SLC4A10: variants seen among roughly 807,000 people sequenced by gnomAD.
SLC4A10 encodes sodium-driven chloride bicarbonate exchanger.
In SLC4A10, 42 loss-of-function variants were observed where a neutral mutation model predicts 137.7. The observed-to-expected ratio is 0.30, with a 90% CI of 0.24 to 0.39. The LOEUF (loss-of-function observed/expected upper bound fraction) is 0.39, where lower values mean the gene tolerates loss of function less well. SLC4A10 is among the 10% of genes least tolerant of loss of function. The probability of loss-of-function intolerance (pLI) is 1.00; values close to 1 mark genes in which losing one functional copy is unlikely to be tolerated. For synonymous variants in SLC4A10, 474 were observed against 464.1 expected (o/e 1.02, Z -0.27); for missense variants, 925 against 1,355.0 (o/e 0.68, Z 4.98).
chr2:161,745,427 T>G (rs1188833628), intron 1 of SLC4A10, among the ~76,000 whole-genome samples: 5 of 152,196 alleles, frequency 3.3e-5, no homozygotes, highest in Non-Finnish European at 7.3e-5. Flanking sequence ...ATTTCAATCT[T>G]TTTGTTAAAT....
chr2:161,745,702 T>A (rs2048321630), intron 1 of SLC4A10, among the ~76,000 whole-genome samples: 1 of 152,160 alleles, frequency 6.6e-6, no homozygotes, highest in South Asian at 2.1e-4. Context: ...GTTCCCTTTC[T>A]TTTTGAGAAG....
At chr2:161,767,139 A>ATATATATATGTG (rs1362865580) in intron 1 of SLC4A10, among the ~76,000 whole-genome samples, 9 of 57,124 alleles carry the variant, frequency 1.6e-4, no homozygotes, top group East Asian at 8.3e-4. Context: ...ATATATATAT[A>ATATATATATGTG]TGTGTGTGTG....
chr2:161,861,492 C>T (rs1013904120), intron 5 of SLC4A10, among the ~76,000 whole-genome samples: 10 of 96,380 alleles, frequency 1.0e-4, no homozygotes, highest in Non-Finnish European at 1.9e-4. Context: ...TAACTTTGAT[C>T]TTTCTATTAT....
chr2:161,933,801 A>C lies in SLC4A10; in HGVS notation c.1998-8991A>C, dbSNP rs559235046. 1.1e-4 allele frequency among the ~76,000 whole-genome samples: 16 copies of C among 152,288 alleles called. No homozygotes were observed. In the South Asian group the frequency reaches 3.3e-3, roughly 32 times the overall value. Reference sequence around the variant, plus strand: ...CTACAGTGAACATGGGAATGCAGATATCTCTTCCATTTACTGATTTAATTA... The same window carrying C: ...CTACAGTGAACATGGGAATGCAGATCTCTCTTCCATTTACTGATTTAATTA... On this transcript the variant is annotated intron_variant, in intron 15 of 26. Coordinates refer to ENST00000446997, the MANE Select transcript of SLC4A10 (RefSeq NM_001178015.2).
intron 1 of SLC4A10, among the ~76,000 whole-genome samples, chr2:161,652,854 C>CTTT (rs1398028632): frequency 3.0e-5 from 1 of 33,322 alleles, no homozygotes; most frequent in African/African-American, 5.6e-5. Flanking sequence ...AATATACATT[C>CTTT]TTTTCTTTTA....
chr2:161,771,172 T>C (rs1184870795), intron 2 of SLC4A10, 118 bp downstream of exon 2: 2 of 703,756 alleles, frequency 2.8e-6, no homozygotes, highest in African/African-American at 1.8e-5. Context: ...AATGGTAGCT[T>C]ACTGGGGAGG....
chr2:161,737,321 C>G (rs2047445393), intron 1 of SLC4A10, among the ~76,000 whole-genome samples: 1 of 152,006 alleles, frequency 6.6e-6, no homozygotes, highest in Admixed American at 6.6e-5. Flanking sequence ...TGGAACCCAT[C>G]AGGGAATAGG....
At chr2:161,896,178 C>T (rs1488428755) in intron 11 of SLC4A10, among the ~76,000 whole-genome samples, 1 of 151,994 alleles carries the variant, frequency 6.6e-6, no homozygotes, top group Non-Finnish European at 1.5e-5. Context: ...GGAATCCTTT[C>T]CCCATTGCTT....
chr2:161,878,293 A>G (rs909737013), intron 8 of SLC4A10, among the ~76,000 whole-genome samples: 6 of 152,228 alleles, frequency 3.9e-5, no homozygotes, highest in Admixed American at 6.5e-5. Context: ...CAAGTGAATT[A>G]GAAACAAGAC....
intron 26 of SLC4A10, among the ~76,000 whole-genome samples, chr2:161,978,446 C>T (rs1699753360): frequency 6.6e-6 from 1 of 151,068 alleles, no homozygotes; most frequent in Non-Finnish European, 1.5e-5. Flanking sequence ...AATTGCAAAG[C>T]TGAGAGCCTC....
At chr2:161,657,298 A>G (rs2037680980) in intron 1 of SLC4A10, among the ~76,000 whole-genome samples, 3 of 152,064 alleles carry the variant, frequency 2.0e-5, no homozygotes, top group Non-Finnish European at 2.9e-5. Flanking sequence ...CAGTGAGATG[A>G]CATGTTAAAG....
At chr2:161,811,763 C>A (rs115360041) in intron 3 of SLC4A10, among the ~76,000 whole-genome samples, 3 of 151,942 alleles carry the variant, frequency 2.0e-5, no homozygotes, top group Admixed American at 6.6e-5. Context: ...TCCTATTAAA[C>A]GGTTAAAACT....
intron 3 of SLC4A10, among the ~76,000 whole-genome samples, chr2:161,805,168 T>G (rs2055803803): frequency 6.6e-6 from 1 of 152,120 alleles, no homozygotes; most frequent in South Asian, 2.1e-4. Context: ...AAACTCCCCC[T>G]TATAATAACT....
intron 3 of SLC4A10, among the ~76,000 whole-genome samples, chr2:161,826,318 A>G (rs1005307737): frequency 1.4e-4 from 22 of 152,304 alleles, no homozygotes; most frequent in African/African-American, 5.3e-4. Flanking sequence ...GAAATTCACA[A>G]TGGTAAGCAT....
At chr2:161,701,272 C>A (rs1054296905) in intron 1 of SLC4A10, among the ~76,000 whole-genome samples, 1 of 151,870 alleles carries the variant, frequency 6.6e-6, no homozygotes, top group African/African-American at 2.4e-5. Context: ...GTGTTTTTTG[C>A]TGTTAACAAT....
At chr2:161,935,215 G>A (rs1040430478) in intron 15 of SLC4A10, among the ~76,000 whole-genome samples, 4 of 152,008 alleles carry the variant, frequency 2.6e-5, no homozygotes, top group Non-Finnish European at 5.9e-5. Context: ...GATTTATTTC[G>A]GGTTGTCTAT....
chr2:161,943,251 G>GT (rs1054699233), intron 16 of SLC4A10, among the ~76,000 whole-genome samples: 2 of 152,082 alleles, frequency 1.3e-5, no homozygotes, highest in African/African-American at 4.8e-5. Context: ...ACTTTACTCT[G>GT]TAATGCTGCT....
At chr2:161,745,788 G>A (rs530808178) in intron 1 of SLC4A10, among the ~76,000 whole-genome samples, 1 of 152,242 alleles carries the variant, frequency 6.6e-6, no homozygotes, top group African/African-American at 2.4e-5. Flanking sequence ...TGCATTAGGG[G>A]AAACACCAAG....
At chr2:161,967,941 CT>C (rs201833185) in intron 23 of SLC4A10, among the ~76,000 whole-genome samples, 1 of 150,136 alleles carries the variant, frequency 6.7e-6, no homozygotes, top group Non-Finnish European at 1.5e-5. Flanking sequence ...TATTTTTCTG[CT>C]TTTTTTTGTT....
Sources: allele counts gnomAD v4.1 joint callset (sites outside exome capture counted in the v4.1 genomes callset), GRCh38; gene constraint gnomAD v4.1.1; transcripts MANE v1.5; gene names NCBI Gene and HGNC (gene_info 2026-07-23, HGNC 2026-07-21).